The following TTLL12 variants were observed in gnomAD, a reference collection of about 807,000 sequenced individuals.
The protein encoded by TTLL12 is tubulin tyrosine ligase like 12.
Under a neutral mutation model 79.6 loss-of-function variants are expected in TTLL12, and 77 were observed. The observed-to-expected ratio is 0.97, with a 90% confidence interval of 0.81 to 1.17. TTLL12 has a LOEUF of 1.17. Among genes scored for constraint, TTLL12 ranks in the 50% most tolerant of loss-of-function variants. The pLI, the probability that TTLL12 is intolerant of heterozygous loss-of-function variation, is 0.00. For synonymous variants in TTLL12, 437 were observed against 376.1 expected, an observed-to-expected ratio of 1.16 and a Z score of -1.87; for missense variants, 969 against 895.9, an observed-to-expected ratio of 1.08 and a Z score of -1.04.
intron 9 of TTLL12, among the ~76,000 whole-genome samples, chr22:43,173,107 T>C (rs762743977): frequency 2.0e-5 from 3 of 152,210 alleles, no homozygotes; most frequent in African/African-American, 4.8e-5. Context: ...GTCCTCATGA[T>C]GCATTTCCCG....
In TTLL12 at chr22:43,167,777, G is replaced by A; in HGVS notation, c.*231C>T. 2.1e-6 allele frequency: 1 copy of A among 482,306 alleles called. No homozygotes were observed. The highest frequency in any genetic ancestry group is 3.0e-5 in the South Asian group (1 of 33,460). The allele number at this position is 482,306 out of a possible 1,614,324, so 29.9% of individuals were successfully genotyped here. A position where few individuals can be genotyped will look rare whatever the true frequency, so the allele number is the denominator to read the frequency against. On this transcript the variant is annotated 3_prime_UTR_variant, in exon 14 of 14. Coordinates refer to ENST00000216129, the MANE Select transcript of TTLL12 (RefSeq NM_015140.4). ...AGGGGTGAGGGCAGGGCGTGGGGTG[G>A]TGCTCAGCCCTGGGGACACCATCAC...
intron 1 of TTLL12, 119 bp from the exon 2 acceptor site, chr22:43,183,268 C>G: frequency 7.9e-7 from 1 of 1,269,056 alleles, no homozygotes; most frequent in Non-Finnish European, 1.1e-6. Flanking sequence ...AACTTGTCTC[C>G]TTCAGAGGTG....
chr22:43,167,035 G>A lies in TTLL12; in HGVS notation c.*973C>T. 1 of 330,312 alleles carries A rather than the reference G, an allele frequency of 3.0e-6. No homozygotes were observed. The highest frequency in any genetic ancestry group is 2.5e-5 in the South Asian group (1 of 40,490). The allele number at this position is 330,312 out of a possible 1,614,324, so 20.5% of individuals were successfully genotyped here. A position where few individuals can be genotyped will look rare whatever the true frequency, so the allele number is the denominator to read the frequency against. ...ACTCCTAATTTCAGAAACACAATTAGAAAAGAACTGGAATTTTACATTTTT... is the reference window on the plus strand; with the variant it reads ...ACTCCTAATTTCAGAAACACAATTAAAAAAGAACTGGAATTTTACATTTTT... On this transcript the variant is annotated 3_prime_UTR_variant, in exon 14 of 14. Transcript: ENST00000216129.
intron 7 of TTLL12, 32 bp from the exon 8 acceptor site, chr22:43,174,435 G>A (rs200029886): frequency 1.9e-5 from 30 of 1,563,904 alleles, no homozygotes; most frequent in African/African-American, 1.5e-4. Context: ...GCCAGCTCAA[G>A]GGGAGGCCGG....
Position 43,183,077 on chromosome 22 carries a change from G to A in TTLL12, c.250C>T (p.Arg84Trp), listed in dbSNP as rs138951. 167,063 of 1,613,834 alleles carry A rather than the reference G, an allele frequency of 0.1. 10,175 individuals are homozygous for A. The highest frequency in any genetic ancestry group is 0.12 in the Non-Finnish European group (144,001 of 1,179,952). The change falls in exon 2 of 14, where the codon CGG (arginine) becomes TGG (tryptophan). Residue 84 changes from arginine (R) to tryptophan (W), a missense_variant. Physicochemically the swap from Arg to Trp is moderately radical, Grantham distance 101 (BLOSUM62 -3). Coordinates refer to ENST00000216129, the MANE Select transcript of TTLL12 (RefSeq NM_015140.4). ...EVEEEEDEAA[R>W]EVRKQQPNPG... is the part of the protein sequence containing the mutation. Reference sequence around the variant, plus strand: ...TTGGGCTGCTGCTTCCGCACCTCCCGGGCTGCCTCGTCCTCCTCCTCTTCT... The same window carrying A: ...TTGGGCTGCTGCTTCCGCACCTCCCAGGCTGCCTCGTCCTCCTCCTCTTCT...
intron 3 of TTLL12, among the ~76,000 whole-genome samples, chr22:43,180,408 G>C (rs1021706799): frequency 3.9e-5 from 6 of 152,132 alleles, no homozygotes; most frequent in African/African-American, 1.4e-4. Flanking sequence ...GAGTGGTGAG[G>C]GGCTGGAGCA....
intron 6 of TTLL12, chr22:43,175,642 C>T (rs1931885997): frequency 6.6e-6 from 1 of 152,038 alleles, no homozygotes; most frequent in Admixed American, 6.5e-5. Flanking sequence ...TTTCCATGGC[C>T]TATTCCTATT....
In TTLL12 at chr22:43,174,544, G is replaced by T; in HGVS notation, c.989C>A (p.Ala330Glu). The stretch of plus-strand genomic sequence containing the variant: ...GAAGTTGAAGAGGATGTCGGCGTCC[G>T]CCTCACTCTGGGTGAGGGTGAAGCG... ...HPRFTLTQSE[A>E]DADILFNFSH... Residue 330 changes from alanine (A) to glutamate (E), a missense_variant, in exon 7 of 14, where the codon GCG (alanine) becomes GAG (glutamate). Transcript: ENST00000216129. 2 of 1,613,492 alleles carry T rather than the reference G, an allele frequency of 1.2e-6. No individual in the cohort carries two copies. The highest frequency in any genetic ancestry group is 8.5e-7 in the Non-Finnish European group (1 of 1,179,774).
Position 43,179,875 on chromosome 22 carries a change from C to T in TTLL12, c.672G>A (p.Thr224=), listed in dbSNP as rs529869163. 2.0e-5 allele frequency: 32 copies of T among 1,607,560 alleles called. No homozygotes were observed. The highest frequency in any genetic ancestry group is 1.5e-4 in the Admixed American group (9 of 59,630). Residue 224 remains threonine, a synonymous_variant, in exon 4 of 14, where the codon ACG becomes ACA. Coordinates refer to ENST00000216129, the MANE Select transcript of TTLL12 (RefSeq NM_015140.4). ...CCAGGTCCCTCAGGGGCCACAGCAG[C>T]GTGTAGGCCACCTGCTGCGGCATGT... is the stretch of plus-strand genomic sequence containing the variant. ...FFYMPQQVAY[T]LLWPLRDLDT...
At chr22:43,182,543 G>A (rs1048674665) in intron 2 of TTLL12, among the ~76,000 whole-genome samples, 9 of 152,302 alleles carry the variant, frequency 5.9e-5, no homozygotes, top group East Asian at 1.9e-4. Context: ...TAACTACACC[G>A]TGGTCCTTGG....
At chr22:43,176,223 G>A (rs547323127) in intron 6 of TTLL12, 97 bp downstream of exon 6, 63 of 907,504 alleles carry the variant, frequency 6.9e-5, no homozygotes, top group Non-Finnish European at 7.1e-5. Context: ...TGCGTGCCAC[G>A]TGCCAAGCAC....
rs8140846 is a variant in TTLL12 at position 43,171,948 on chromosome 22, C to A, written c.1494-48G>T. 0.011 allele frequency: 16,377 copies of A among 1,551,852 alleles called. 1,380 individuals are homozygous for A. The African/African-American group carries it at 0.19, about 18-fold the overall frequency. On this transcript the variant is annotated intron_variant, in intron 10 of 13. Transcript: ENST00000216129. Reference sequence around the variant, plus strand: ...CATATGGGTTCTTGAGCGGCCTTGTCCCTGCGAGGGAGGTGCCACCCACTC... The same window carrying A: ...CATATGGGTTCTTGAGCGGCCTTGTACCTGCGAGGGAGGTGCCACCCACTC...
intron 5 of TTLL12, among the ~76,000 whole-genome samples, chr22:43,176,941 CATT>C (rs1444229448): frequency 6.6e-6 from 1 of 152,034 alleles, no homozygotes; most frequent in Admixed American, 6.6e-5. Context: ...ACAAGGTAAA[CATT>C]GTTGCACATC....
In TTLL12 at chr22:43,172,453, C is replaced by T; in HGVS notation, c.1443G>A (p.Arg481=). 6.2e-7 allele frequency: 1 copy of T among 1,614,202 alleles called. No homozygotes were observed. The highest frequency in any genetic ancestry group is 8.5e-7 in the Non-Finnish European group (1 of 1,180,036). The change falls in exon 10 of 14, where the codon AGG becomes AGA. Residue 481 remains arginine (R), a synonymous_variant. Transcript: ENST00000216129. ...IRYIVLLRSV[R]PLRLFVYDVF... ...CATCATACACGAACAACCGTAGGGG[C>T]CTCACTGACCGCAGCAGCACGATGT...
Position 43,186,940 on chromosome 22 carries a change from C to A in TTLL12, c.130G>T (p.Val44Phe). ...LHGPALRASG[V>F]PERYWGRLLH... is the part of the protein sequence containing the mutation. ...AGGCGGCCCCAGTAACGTTCGGGGA[C>A]CCCCGAAGCGCGCAGCGCCGGGCCG... Residue 44 changes from valine to phenylalanine, a missense_variant, in exon 1 of 14, where the codon GTC (valine) becomes TTC (phenylalanine). Coordinates refer to ENST00000216129, the MANE Select transcript of TTLL12 (RefSeq NM_015140.4). The A allele has an allele frequency of 7.3e-7, 1 of 1,366,770 alleles. No homozygotes were observed. The highest frequency in any genetic ancestry group is 1.6e-5 in the South Asian group (1 of 63,604). The allele number at this position is 1,366,770 out of a possible 1,614,324, so 84.7% of individuals were successfully genotyped here.
intron 6 of TTLL12, chr22:43,175,710 C>T (rs1931888272): frequency 6.6e-6 from 1 of 152,018 alleles, no homozygotes; most frequent in Non-Finnish European, 1.5e-5. Context: ...GCTCTGTAGC[C>T]CAGGCTGGAG....
At chr22:43,171,631 A>G (rs913096845) in intron 11 of TTLL12, 188 bp downstream of exon 11, 10 of 565,910 alleles carry the variant, frequency 1.8e-5, no homozygotes, top group African/African-American at 1.5e-4. Context: ...GACCTACCTG[A>G]GACAACACAG....
chr22:43,185,883 G>A, intron 1 of TTLL12: 9 of 878,708 alleles, frequency 1.0e-5, no homozygotes, highest in Non-Finnish European at 1.2e-5. Context: ...GACCAGAGTG[G>A]TCCTCGGAAA....
intron 3 of TTLL12, among the ~76,000 whole-genome samples, chr22:43,180,244 A>T (rs1285405053): frequency 6.6e-6 from 1 of 152,142 alleles, no homozygotes; most frequent in East Asian, 1.9e-4. Context: ...TTTGGTAACA[A>T]GGCACTCAGC....
Sources: gnomAD v4.1 joint callset for allele counts (sites outside exome capture counted in the v4.1 genomes callset) on GRCh38, gnomAD v4.1.1 for gene constraint, MANE v1.5 for transcripts, NCBI Gene and HGNC (gene_info 2026-07-23, HGNC 2026-07-21) for gene names.